ASCC3: variants seen among roughly 807,000 people sequenced by gnomAD.
The protein encoded by ASCC3 is activating signal cointegrator 1 complex subunit 3, also known as ASC-1 complex subunit P200.
ASCC3 carries 158 observed loss-of-function variants against 256.3 expected under a neutral mutation model. The observed-to-expected ratio is 0.62, with a 90% CI of 0.54 to 0.70. The LOEUF (loss-of-function observed/expected upper bound fraction) is 0.70. Ranked by LOEUF, ASCC3 falls within the 30% of genes least tolerant of loss-of-function variation. The probability of loss-of-function intolerance (pLI) is 0.00; values close to 1 mark genes in which losing one functional copy is unlikely to be tolerated. For synonymous variants in ASCC3, 948 were observed against 883.4 expected, an observed-to-expected ratio of 1.07 and a Z score of -1.30; for missense variants, 2,259 against 2,626.0, an observed-to-expected ratio of 0.86 and a Z score of 3.05.
At chr6:100,757,745 G>A in intron 10 of ASCC3, among the ~76,000 whole-genome samples, 1 of 152,162 alleles carries the variant, frequency 6.6e-6, no homozygotes, top group East Asian at 1.9e-4. Flanking sequence ...GAAAAAAGAA[G>A]TAGGACTGGA....
intron 10 of ASCC3, among the ~76,000 whole-genome samples, chr6:100,741,761 T>C (rs1388032978): frequency 6.6e-6 from 1 of 152,180 alleles, no homozygotes; most frequent in Admixed American, 6.5e-5. Flanking sequence ...AAACTGGCTA[T>C]TTTGGCTGTC....
chr6:100,837,727 G>C (rs1771943810), intron 4 of ASCC3, among the ~76,000 whole-genome samples: 1 of 152,072 alleles, frequency 6.6e-6, no homozygotes, highest in Non-Finnish European at 1.5e-5. Flanking sequence ...CAGAGGCTGG[G>C]GAGATTGGGG....
At chr6:100,578,175 A>G (rs548626416) in intron 36 of ASCC3, among the ~76,000 whole-genome samples, 3 of 152,064 alleles carry the variant, frequency 2.0e-5, no homozygotes, top group Non-Finnish European at 4.4e-5. Context: ...AGAACATAAA[A>G]GGCGAGAATT....
intron 4 of ASCC3, among the ~76,000 whole-genome samples, chr6:100,829,676 G>A (rs945192308): frequency 4.6e-5 from 7 of 152,202 alleles, no homozygotes; most frequent in Non-Finnish European, 7.4e-5. Flanking sequence ...CTCAAGTGCC[G>A]CCAAAGTGGG....
chr6:100,805,135 C>G (rs1770107265), intron 5 of ASCC3, among the ~76,000 whole-genome samples: 1 of 152,106 alleles, frequency 6.6e-6, no homozygotes, highest in Non-Finnish European at 1.5e-5. Flanking sequence ...TTACAACTTA[C>G]TACATAACAG....
intron 4 of ASCC3, among the ~76,000 whole-genome samples, chr6:100,822,704 T>C (rs749245166): frequency 3.3e-5 from 5 of 152,114 alleles, no homozygotes; most frequent in Admixed American, 1.3e-4. Context: ...ACATAGTTAC[T>C]TTCTCCCACC....
At chr6:100,828,839 C>A (rs1582927370) in intron 4 of ASCC3, among the ~76,000 whole-genome samples, 1 of 151,996 alleles carries the variant, frequency 6.6e-6, no homozygotes, top group African/African-American at 2.4e-5. Flanking sequence ...AGTGTGGAAG[C>A]GGACCCAAGC....
rs1488926149 is a variant in ASCC3 at position 100,607,167 on chromosome 6, T to C, written c.4786-79A>G. 1.8e-5 allele frequency: 26 copies of C among 1,459,504 alleles called. No individual in the cohort carries two copies. The East Asian group carries it at 5.1e-4, about 28-fold the overall frequency. The allele number at this position is 1,459,504 out of a possible 1,614,324, so 90.4% of individuals were successfully genotyped here. A position where few individuals can be genotyped will look rare whatever the true frequency, so the allele number is the denominator to read the frequency against. ...TTAATTTTTCATGTTTCAAAAAACA[T>C]TAATTTTGTCTTTATGTTATTATAT... On this transcript the variant is annotated intron_variant, in intron 30 of 41. Coordinates refer to ENST00000369162, the MANE Select transcript of ASCC3 (RefSeq NM_006828.4).
intron 36 of ASCC3, among the ~76,000 whole-genome samples, chr6:100,559,286 G>T (rs1196004819): frequency 6.6e-6 from 1 of 152,040 alleles, no homozygotes; most frequent in East Asian, 1.9e-4. Context: ...AAATTACATT[G>T]CCTGACTTAA....
chr6:100,726,052 T>C (rs1291491147), intron 10 of ASCC3, among the ~76,000 whole-genome samples: 2 of 150,466 alleles, frequency 1.3e-5, no homozygotes, highest in Non-Finnish European at 3.0e-5. Flanking sequence ...ATAATGGTCT[T>C]TATTTGAAAA....
chr6:100,706,293 C>T (rs977662603), intron 13 of ASCC3, among the ~76,000 whole-genome samples: 6 of 151,104 alleles, frequency 4.0e-5, no homozygotes, highest in Non-Finnish European at 7.4e-5. Context: ...ACAAAGACAG[C>T]TAGTGACTGG....
chr6:100,625,717 A>T (rs764263064), intron 29 of ASCC3, among the ~76,000 whole-genome samples: 19 of 152,122 alleles, frequency 1.2e-4, no homozygotes, highest in Non-Finnish European at 2.4e-4. Flanking sequence ...TTGCCTAAGC[A>T]GTGATATTAC....
At chr6:100,557,335 G>GT (rs1473111025) in intron 36 of ASCC3, among the ~76,000 whole-genome samples, 1 of 151,970 alleles carries the variant, frequency 6.6e-6, no homozygotes, top group Non-Finnish European at 1.5e-5. Flanking sequence ...GTACTGTTAT[G>GT]TTGTGCTTTT....
chr6:100,872,992 C>T (rs193209942), intron 1 of ASCC3, among the ~76,000 whole-genome samples: 1 of 152,056 alleles, frequency 6.6e-6, no homozygotes, highest in East Asian at 1.9e-4. Flanking sequence ...AACACCCCCC[C>T]CAAAAAATCA....
At chr6:100,848,728 C>G (rs771901557) in intron 3 of ASCC3, 21 bp from the exon 4 acceptor site, 1 of 1,603,448 alleles carries the variant, frequency 6.2e-7, no homozygotes, top group South Asian at 1.1e-5. Context: ...ACAAAAGAAA[C>G]AGTATTAGCT....
At chr6:100,719,574 A>G (rs1040518885) in intron 11 of ASCC3, among the ~76,000 whole-genome samples, 1 of 152,096 alleles carries the variant, frequency 6.6e-6, no homozygotes, top group Non-Finnish European at 1.5e-5. Flanking sequence ...ACATTTTTAA[A>G]TCTAAAAGTA....
intron 36 of ASCC3, among the ~76,000 whole-genome samples, chr6:100,558,391 T>A (rs1004393345): frequency 1.3e-5 from 2 of 152,180 alleles, no homozygotes; most frequent in African/African-American, 2.4e-5. Context: ...TCTATTTTGA[T>A]TTGTAAATAC....
chr6:100,818,568 C>CAAAAAA (rs529493065), intron 4 of ASCC3, among the ~76,000 whole-genome samples: 1 of 103,216 alleles, frequency 9.7e-6, no homozygotes, highest in African/African-American at 3.7e-5. Flanking sequence ...GACTCCGTCT[C>CAAAAAA]AAAAAAAAAA....
intron 8 of ASCC3, among the ~76,000 whole-genome samples, chr6:100,769,488 T>G (rs1781820480): frequency 6.6e-6 from 1 of 151,724 alleles, no homozygotes; most frequent in Non-Finnish European, 1.5e-5. Context: ...TATTTATTAT[T>G]TGTCAATTAC....
Sources: gnomAD v4.1 joint callset for allele counts (sites outside exome capture counted in the v4.1 genomes callset) on GRCh38, gnomAD v4.1.1 for gene constraint, MANE v1.5 for transcripts, NCBI Gene and HGNC (gene_info 2026-07-23, HGNC 2026-07-21) for gene names.